The following GRID2 variants were observed in gnomAD, a reference collection of about 807,000 sequenced individuals.
The protein encoded by GRID2 is glutamate receptor ionotropic, delta-2.
A neutral mutation model predicts 114.8 loss-of-function variants in GRID2; 33 were observed. The observed-to-expected ratio is 0.29, with a 90% CI of 0.22 to 0.38. The LOEUF is 0.38. Among genes scored for constraint, GRID2 ranks in the 10% least tolerant of loss-of-function variants. The pLI is 1.00. For synonymous variants in GRID2, 505 were observed against 449.9 expected, an observed-to-expected ratio of 1.12 and a Z score of -1.55; for missense variants, 1,184 against 1,257.7, an observed-to-expected ratio of 0.94 and a Z score of 0.89.
intron 2 of GRID2, among the ~76,000 whole-genome samples, chr4:92,870,608 C>T (rs2149445701): frequency 1.3e-5 from 2 of 150,230 alleles, no homozygotes; most frequent in South Asian, 4.3e-4. Context: ...ACATAGTGAA[C>T]AACAGGAATT....
At chr4:93,163,358 A>T (rs182550924) in intron 4 of GRID2, among the ~76,000 whole-genome samples, 1 of 89,966 alleles carries the variant, frequency 1.1e-5, no homozygotes, top group Non-Finnish European at 2.3e-5. Context: ...TTTTTTGTGT[A>T]TATATATATA....
intron 2 of GRID2, among the ~76,000 whole-genome samples, chr4:92,638,945 C>T (rs1731210758): frequency 6.6e-6 from 1 of 150,886 alleles, no homozygotes; most frequent in Non-Finnish European, 1.5e-5. Flanking sequence ...ATAACTTTAT[C>T]ATTAAATTTG....
chr4:92,585,596 G>A (rs1296039835), intron 1 of GRID2, among the ~76,000 whole-genome samples: 1 of 151,906 alleles, frequency 6.6e-6, no homozygotes, highest in East Asian at 1.9e-4. Flanking sequence ...TGATAAGGTT[G>A]TTATAGAATA....
chr4:92,713,809 A>G (rs1735398859), intron 2 of GRID2, among the ~76,000 whole-genome samples: 1 of 151,868 alleles, frequency 6.6e-6, no homozygotes, highest in African/African-American at 2.4e-5. Context: ...ACCTGCCCCC[A>G]TGATACAATT....
At chr4:93,788,845 T>G (rs997816917) in intron 1 of GRID2, among the ~76,000 whole-genome samples, 3 of 152,210 alleles carry the variant, frequency 2.0e-5, no homozygotes, top group African/African-American at 7.2e-5. Flanking sequence ...AAAACCAACT[T>G]TTGTTTTCTG....
chr4:92,567,736 T>A (rs1727404193), intron 1 of GRID2, among the ~76,000 whole-genome samples: 1 of 152,078 alleles, frequency 6.6e-6, no homozygotes, highest in Non-Finnish European at 1.5e-5. Flanking sequence ...TTAGAAGTCT[T>A]ACTACACTAT....
At chr4:93,259,881 A>G (rs1750061959) in intron 8 of GRID2, among the ~76,000 whole-genome samples, 1 of 151,776 alleles carries the variant, frequency 6.6e-6, no homozygotes, top group Non-Finnish European at 1.5e-5. Context: ...AAATATGTAC[A>G]TTTCTACTGC....
chr4:92,632,382 C>G (rs755171063), intron 2 of GRID2, among the ~76,000 whole-genome samples: 5 of 152,104 alleles, frequency 3.3e-5, no homozygotes, highest in Non-Finnish European at 7.4e-5. Context: ...CACCTGTAAT[C>G]CCAAGAATTT....
In GRID2 at chr4:92,952,931, C is replaced by A. The variant is rs139603541; in HGVS notation, c.245-132064C>A. Among the ~76,000 whole-genome samples the A allele has an allele frequency of 9.5e-4, 144 of 152,248 alleles. 1 individual carries two copies. Among genetic ancestry groups the A allele is most frequent in the African/African-American group, 3.1e-3 (128 of 41,556 alleles). On this transcript the variant is annotated intron_variant, in intron 2 of 15. Transcript: ENST00000282020. ...CAGCAGAGGTATGCTGCCACTGAAA[C>A]ATGTAAGAGAGAAATCTTTGCCACT...
chr4:92,816,863 A>C (rs1446365915), intron 2 of GRID2, among the ~76,000 whole-genome samples: 1 of 152,172 alleles, frequency 6.6e-6, no homozygotes, highest in East Asian at 1.9e-4. Context: ...ACAATAAATA[A>C]AAACTGTTAA....
intron 13 of GRID2, among the ~76,000 whole-genome samples, chr4:93,557,581 T>A (rs1382655952): frequency 6.6e-6 from 1 of 152,158 alleles, no homozygotes; most frequent in African/African-American, 2.4e-5. Flanking sequence ...GCACCTAGAT[T>A]CATAAAGCAA....
intron 8 of GRID2, among the ~76,000 whole-genome samples, chr4:93,244,568 A>AATAGATTATATAATC (rs1747964728): frequency 7.6e-5 from 3 of 39,600 alleles, no homozygotes; most frequent in Non-Finnish European, 9.6e-5. Flanking sequence ...AATCTATTAT[A>AATAGATTATATAATC]TATTAATTAA....
At chr4:93,401,058 C>T (rs1765836215) in intron 9 of GRID2, among the ~76,000 whole-genome samples, 1 of 151,968 alleles carries the variant, frequency 6.6e-6, no homozygotes, top group South Asian at 2.1e-4. Flanking sequence ...GTCTTGAACT[C>T]CTGGCCTCAA....
intron 2 of GRID2, among the ~76,000 whole-genome samples, chr4:92,636,951 C>T (rs374156704): frequency 1.3e-4 from 20 of 151,872 alleles, no homozygotes; most frequent in African/African-American, 1.9e-4. Context: ...CATGATTTCT[C>T]AGTTGTCAAA....
chr4:93,016,122 G>A (rs1722685263), intron 2 of GRID2, among the ~76,000 whole-genome samples: 1 of 150,650 alleles, frequency 6.6e-6, no homozygotes, highest in Admixed American at 6.6e-5. Context: ...GAAGATGAGA[G>A]GCTTGAGCAT....
chr4:93,080,646 A>G (rs1213995119), intron 2 of GRID2, among the ~76,000 whole-genome samples: 1 of 152,172 alleles, frequency 6.6e-6, no homozygotes, highest in Admixed American at 6.5e-5. Flanking sequence ...ATGGTGGACA[A>G]ACTGGGAGCA....
At chr4:92,742,368 T>G (rs979976523) in intron 2 of GRID2, among the ~76,000 whole-genome samples, 14 of 152,066 alleles carry the variant, frequency 9.2e-5, no homozygotes, top group Non-Finnish European at 2.1e-4. Flanking sequence ...TTTCCCCCTT[T>G]TCCCTTCTGT....
chr4:92,593,839 G>A (rs1021998302), intron 2 of GRID2, among the ~76,000 whole-genome samples: 3 of 149,084 alleles, frequency 2.0e-5, no homozygotes, highest in Admixed American at 1.4e-4. Flanking sequence ...CTTAACTCAC[G>A]AGGTTTTCTT....
chr4:93,137,521 A>G (rs1367995043), intron 4 of GRID2, among the ~76,000 whole-genome samples: 5 of 152,152 alleles, frequency 3.3e-5, no homozygotes, highest in Admixed American at 3.3e-4. Context: ...AAGCAATGTC[A>G]TATCTATTTA....
Sources: gnomAD v4.1 joint callset for allele counts (sites outside exome capture counted in the v4.1 genomes callset) on GRCh38, gnomAD v4.1.1 for gene constraint, MANE v1.5 for transcripts, NCBI Gene and HGNC (gene_info 2026-07-23, HGNC 2026-07-21) for gene names.